Variants in FRMD6 observed in about 807,000 individuals in gnomAD.
FRMD6 encodes FERM domain-containing protein 6.
Under a neutral mutation model 73.2 loss-of-function variants are expected in FRMD6, and 37 were observed. The ratio of observed to expected loss-of-function variants is 0.51; its 90% CI spans 0.39 to 0.66. FRMD6 has a LOEUF of 0.66. Among genes scored for constraint, FRMD6 ranks in the 30% least tolerant of loss-of-function variants. FRMD6 has a pLI of 0.00. For missense variants in FRMD6, 714 were observed against 780.5 expected, an observed-to-expected ratio of 0.91 and a Z score of 1.02; for synonymous variants, 273 against 282.2, an observed-to-expected ratio of 0.97 and a Z score of 0.33.
Position 51,710,533 on chromosome 14 carries a change from A to C in FRMD6, c.715-998A>C, listed in dbSNP as rs553384638. Among the ~76,000 whole-genome samples the C allele has an allele frequency of 9.2e-5, 14 of 152,288 alleles. No individual in the cohort carries two copies. In the South Asian group the frequency reaches 1.2e-3, roughly 14 times the overall value. ...TTTCTCCTCTTAAAGCTTATGCTATATGTGTTTTTCTTGATGTAAAAATAT... is the reference window on the plus strand; with the variant it reads ...TTTCTCCTCTTAAAGCTTATGCTATCTGTGTTTTTCTTGATGTAAAAATAT... On this transcript the variant is annotated intron_variant, in intron 7 of 13. Transcript: ENST00000344768.
chr14:51,438,642 TG>T, the FRMD6 span, among the ~76,000 whole-genome samples: 2 of 152,224 alleles, frequency 1.3e-5, no homozygotes, highest in Non-Finnish European at 2.9e-5. Flanking sequence ...CTGGGAAACA[TG>T]GGTACCATTC....
At chr14:51,613,200 G>C (rs1890581257) in intron 2 of FRMD6, among the ~76,000 whole-genome samples, 1 of 152,184 alleles carries the variant, frequency 6.6e-6, no homozygotes, top group African/African-American at 2.4e-5. Context: ...TGTGAGAAAG[G>C]TAATGTGGAG....
chr14:51,434,040 A>C, the FRMD6 span, among the ~76,000 whole-genome samples: 3 of 152,204 alleles, frequency 2.0e-5, no homozygotes, highest in Non-Finnish European at 4.4e-5. Flanking sequence ...CAAATAAATA[A>C]AAACATTGTG....
chr14:51,621,173 C>A (rs562588968), intron 2 of FRMD6, among the ~76,000 whole-genome samples: 1 of 152,026 alleles, frequency 6.6e-6, no homozygotes, highest in East Asian at 1.9e-4. Context: ...GATACCTTGA[C>A]ATTGCATGTG....
chr14:51,493,516 G>A (rs1194083461), intron 1 of FRMD6, among the ~76,000 whole-genome samples: 3 of 152,152 alleles, frequency 2.0e-5, no homozygotes, highest in East Asian at 1.9e-4. Flanking sequence ...CTGCTGCCAT[G>A]TCAGATGTGA....
intron 1 of FRMD6, among the ~76,000 whole-genome samples, chr14:51,524,540 G>T (rs1282140375): frequency 1.3e-5 from 2 of 151,552 alleles, no homozygotes; most frequent in Non-Finnish European, 2.9e-5. Flanking sequence ...TTATGACGGG[G>T]GGGGTCTCTT....
the FRMD6 span, among the ~76,000 whole-genome samples, chr14:51,438,747 AGGT>A: frequency 6.6e-5 from 10 of 152,238 alleles, no homozygotes; most frequent in African/African-American, 2.4e-4. Flanking sequence ...TTTAATCTCC[AGGT>A]GGCAGTTTTT....
At position 51,671,704 on chromosome 14, in the gene FRMD6, C is replaced by A. The variant is rs187677333; in HGVS notation, c.-146-17987C>A. Among the ~76,000 whole-genome samples, 13 of 152,212 alleles carry A rather than the reference C, an allele frequency of 8.5e-5. No individual in the cohort carries two copies. In the East Asian group the frequency reaches 2.5e-3, roughly 29 times the overall value. On this transcript the variant is annotated intron_variant, in intron 1 of 13. Coordinates refer to ENST00000344768, the MANE Select transcript of FRMD6 (RefSeq NM_001267046.2). ...GTGCTTTAGAAAAAGTTTATGGGGA[C>A]AGTGCCCTAAAGAAATCAGCAGTTG...
intron 1 of FRMD6, among the ~76,000 whole-genome samples, chr14:51,510,408 A>G (rs1032435516): frequency 2.0e-5 from 3 of 151,672 alleles, no homozygotes; most frequent in Non-Finnish European, 4.4e-5. Context: ...TTTCTTTTTA[A>G]CTTTCAATAT....
At chr14:51,400,018 G>A in the FRMD6 span, among the ~76,000 whole-genome samples, 1 of 151,724 alleles carries the variant, frequency 6.6e-6, no homozygotes, top group South Asian at 2.1e-4. Flanking sequence ...ATATATATGG[G>A]CACAATGGAA....
intron 2 of FRMD6, among the ~76,000 whole-genome samples, chr14:51,581,889 C>A (rs1566482593): frequency 6.6e-6 from 1 of 152,086 alleles, no homozygotes. Context: ...AGTGTCATCC[C>A]CAAAGAGTAG....
intron 2 of FRMD6, among the ~76,000 whole-genome samples, chr14:51,601,522 A>T (rs909669011): frequency 6.6e-6 from 1 of 152,204 alleles, no homozygotes; most frequent in Non-Finnish European, 1.5e-5. Context: ...GTTCAGTCAT[A>T]TGCTAAAGGA....
chr14:51,698,304 T>A, intron 3 of FRMD6, 72 bp downstream of exon 3: 1 of 981,104 alleles, frequency 1.0e-6, no homozygotes, highest in Non-Finnish European at 1.6e-6. Flanking sequence ...TAGCTATAAC[T>A]TAAATTGGGC....
At chr14:51,481,850 A>C in the FRMD6 span, among the ~76,000 whole-genome samples, 1 of 152,234 alleles carries the variant, frequency 6.6e-6, no homozygotes, top group Admixed American at 6.5e-5. Flanking sequence ...TTTTGCCAGT[A>C]GATCAGTAAC....
the FRMD6 span, among the ~76,000 whole-genome samples, chr14:51,466,811 A>G: frequency 1.3e-5 from 2 of 152,224 alleles, no homozygotes; most frequent in South Asian, 4.1e-4. Flanking sequence ...CATAGACTCT[A>G]AAAATCAATT....
the FRMD6 span, among the ~76,000 whole-genome samples, chr14:51,470,220 T>A: frequency 3.3e-5 from 5 of 152,206 alleles, no homozygotes; most frequent in South Asian, 2.1e-4. Flanking sequence ...AAATCTTTTT[T>A]AAAAAATCAG....
intron 1 of FRMD6, among the ~76,000 whole-genome samples, chr14:51,536,393 T>A (rs115699757): frequency 0.018 from 2,781 of 151,980 alleles, 35 homozygotes; most frequent in Non-Finnish European, 0.029. Flanking sequence ...GCAGCTGGCC[T>A]CTTGCCCATA....
chr14:51,684,445 A>C (rs1442229262), intron 1 of FRMD6, among the ~76,000 whole-genome samples: 1 of 152,256 alleles, frequency 6.6e-6, no homozygotes, highest in Non-Finnish European at 1.5e-5. Flanking sequence ...TTCTGAGTTT[A>C]GCACTCAGTT....
At chr14:51,719,619 G>T (rs117024650) in intron 10 of FRMD6, among the ~76,000 whole-genome samples, 1,987 of 152,294 alleles carry the variant, frequency 0.013, 18 homozygotes, top group Non-Finnish European at 0.02. Flanking sequence ...CTGCAGAAAA[G>T]GGCCAGATTT....
Sources: gnomAD v4.1 joint callset for allele counts (sites outside exome capture counted in the v4.1 genomes callset) on GRCh38, gnomAD v4.1.1 for gene constraint, MANE v1.5 for transcripts, NCBI Gene and HGNC (gene_info 2026-07-23, HGNC 2026-07-21) for gene names.